The following ADAMTSL1 variants were observed in gnomAD, a reference collection of about 807,000 sequenced individuals.
The protein encoded by ADAMTSL1 is ADAMTS like 1.
A neutral mutation model predicts 201.8 loss-of-function variants in ADAMTSL1; 126 were observed. The observed-to-expected ratio is 0.62, with a 90% confidence interval of 0.54 to 0.72. The LOEUF (loss-of-function observed/expected upper bound fraction) is 0.72, where lower values mean the gene tolerates loss of function less well. Ranked by LOEUF, ADAMTSL1 falls within the 30% of genes least tolerant of loss-of-function variation. ADAMTSL1 has a pLI of 0.00. For synonymous variants in ADAMTSL1, 1,121 were observed against 903.4 expected (o/e 1.24, Z -4.32); for missense variants, 2,679 against 2,277.8 (o/e 1.18, Z -3.59).
At chr9:18,038,605 A>G (rs374953504) in intron 1 of ADAMTSL1, among the ~76,000 whole-genome samples, 1 of 152,216 alleles carries the variant, frequency 6.6e-6, no homozygotes, top group South Asian at 2.1e-4. Flanking sequence ...GAAAAGCGGG[A>G]AAACAGAGAA....
At chr9:18,626,144 C>T (rs1826347022) in intron 5 of ADAMTSL1, among the ~76,000 whole-genome samples, 1 of 152,148 alleles carries the variant, frequency 6.6e-6, no homozygotes, top group African/African-American at 2.4e-5. Flanking sequence ...ATTCATTCAA[C>T]AGCACATATT....
chr9:18,407,883 G>A (rs1219831415), intron 2 of ADAMTSL1, among the ~76,000 whole-genome samples: 2 of 152,218 alleles, frequency 1.3e-5, no homozygotes, highest in Admixed American at 6.5e-5. Flanking sequence ...AGCTTTGCTA[G>A]GAGAAGAAGG....
intron 15 of ADAMTSL1, among the ~76,000 whole-genome samples, chr9:18,735,748 C>CTTTT (rs71333066): frequency 9.4e-6 from 1 of 106,684 alleles, no homozygotes; most frequent in Non-Finnish European, 1.9e-5. Context: ...ATTCTTTTTT[C>CTTTT]TTTTTTTTTT....
At chr9:18,778,317 C>A (rs1304150403) in intron 19 of ADAMTSL1, among the ~76,000 whole-genome samples, 2 of 152,184 alleles carry the variant, frequency 1.3e-5, no homozygotes, top group Non-Finnish European at 2.9e-5. Context: ...TGTGTGTGGT[C>A]CCCCAGGGCT....
At chr9:18,118,299 G>A (rs550337219) in intron 1 of ADAMTSL1, among the ~76,000 whole-genome samples, 13 of 152,188 alleles carry the variant, frequency 8.5e-5, no homozygotes, top group Non-Finnish European at 1.9e-4. Flanking sequence ...AAGAAGATGT[G>A]TATGGAAAAG....
intron 16 of ADAMTSL1, among the ~76,000 whole-genome samples, chr9:18,762,072 A>G (rs1588061412): frequency 2.6e-5 from 4 of 152,350 alleles, no homozygotes; most frequent in African/African-American, 7.2e-5. Flanking sequence ...TCTTTTGCTC[A>G]TCCAATCATC....
At chr9:18,123,043 G>A (rs1316447183) in intron 1 of ADAMTSL1, among the ~76,000 whole-genome samples, 1 of 152,092 alleles carries the variant, frequency 6.6e-6, no homozygotes, top group Non-Finnish European at 1.5e-5. Context: ...CCAGTCTCAA[G>A]TTTAAAGATA....
intron 15 of ADAMTSL1, among the ~76,000 whole-genome samples, chr9:18,726,903 C>T (rs1817928854): frequency 6.6e-6 from 1 of 152,192 alleles, no homozygotes; most frequent in Non-Finnish European, 1.5e-5. Context: ...CCCCCTGCCC[C>T]AGCCCCAGTC....
intron 23 of ADAMTSL1, among the ~76,000 whole-genome samples, chr9:18,843,529 C>T (rs903218050): frequency 2.0e-5 from 3 of 150,550 alleles, no homozygotes; most frequent in Non-Finnish European, 4.4e-5. Flanking sequence ...TTGCTCTTCT[C>T]GAGGAGTATC....
intron 1 of ADAMTSL1, among the ~76,000 whole-genome samples, chr9:18,066,411 T>C (rs1822705300): frequency 6.6e-6 from 1 of 152,226 alleles, no homozygotes; most frequent in Admixed American, 6.5e-5. Context: ...TCTAATTAAC[T>C]TTAAGTTGAC....
intron 23 of ADAMTSL1, among the ~76,000 whole-genome samples, chr9:18,854,774 A>G (rs1315798122): frequency 2.0e-5 from 3 of 152,208 alleles, no homozygotes; most frequent in African/African-American, 7.2e-5. Flanking sequence ...GAAAATGTCA[A>G]TCAACTCTCA....
intron 1 of ADAMTSL1, among the ~76,000 whole-genome samples, chr9:18,017,194 T>A: frequency 6.6e-6 from 1 of 151,930 alleles, no homozygotes; most frequent in Admixed American, 6.6e-5. Context: ...ATCTTGTTCA[T>A]GTTGTTCTTT....
At chr9:18,907,110 C>G in intron 28 of ADAMTSL1, 198 bp downstream of exon 28, 2 of 606,452 alleles carry the variant, frequency 3.3e-6, no homozygotes, top group Admixed American at 6.5e-5. Context: ...CAGGGTATGC[C>G]CCAAGGGCTT....
At chr9:18,538,802 T>A (rs1218130881) in intron 3 of ADAMTSL1, among the ~76,000 whole-genome samples, 1 of 152,206 alleles carries the variant, frequency 6.6e-6, no homozygotes, top group Non-Finnish European at 1.5e-5. Flanking sequence ...TCATAAGGCC[T>A]TTGTATATCA....
chr9:18,012,067 C>G (rs142004648), intron 1 of ADAMTSL1, among the ~76,000 whole-genome samples: 172 of 152,098 alleles, frequency 1.1e-3, no homozygotes, highest in African/African-American at 4.0e-3. Flanking sequence ...GAGAAAGAAA[C>G]AGGTTTGCCC....
Position 18,796,565 on chromosome 9 carries a change from C to G in ADAMTSL1, c.3805+1041C>G, listed in dbSNP as rs571270655. ...TGTACTCCAGTCACACATGCTACCC[C>G]CTTGCATATCTGTTTAGCAACAGTA... On this transcript the variant is annotated intron_variant, in intron 20 of 28. Transcript: ENST00000380548. 12 of 152,318 alleles carry G rather than the reference C, an allele frequency of 7.9e-5. No individual in the cohort carries two copies. The South Asian group carries it at 2.3e-3, about 29-fold the overall frequency. 9.4% of individuals were successfully genotyped at this position (152,318 alleles called of 1,614,324 possible). A position where few individuals can be genotyped will look rare whatever the true frequency, so the allele number is the denominator to read the frequency against.
chr9:18,361,673 C>T (rs1012077850), intron 2 of ADAMTSL1, among the ~76,000 whole-genome samples: 6 of 152,154 alleles, frequency 3.9e-5, no homozygotes, highest in Non-Finnish European at 8.8e-5. Flanking sequence ...TGAGAAGCAA[C>T]ACCACACTAA....
Position 18,777,396 on chromosome 9 carries a change from A to G in ADAMTSL1, c.3167A>G (p.Glu1056Gly). The change falls in exon 19 of 29, where the codon GAG (glutamate) becomes GGG (glycine). Residue 1056 changes from glutamate (E) to glycine (G), a missense_variant. Glu to Gly is a moderately conservative substitution (Grantham distance 98, BLOSUM62 -2). Transcript: ENST00000380548. The stretch of plus-strand genomic sequence containing the variant: ...GCGGAAAGGAACACGACCTCGGAGG[A>G]GGACCCGGGTGCAGAGCAAGTGCTC... ...DSAERNTTSE[E>G]DPGAEQVLLH... The G allele has an allele frequency of 1.2e-6, 2 of 1,603,196 alleles. No individual in the cohort carries two copies. Among genetic ancestry groups the G allele is most frequent in the Non-Finnish European group, 1.7e-6 (2 of 1,175,474 alleles).
intron 19 of ADAMTSL1, among the ~76,000 whole-genome samples, chr9:18,779,547 A>T (rs1270059193): frequency 1.3e-5 from 2 of 152,218 alleles, no homozygotes; most frequent in African/African-American, 4.8e-5. Flanking sequence ...GAAACACTGG[A>T]AATGGTCTGA....
Sources: allele counts gnomAD v4.1 joint callset (sites outside exome capture counted in the v4.1 genomes callset), GRCh38; gene constraint gnomAD v4.1.1; transcripts MANE v1.5; gene names NCBI Gene and HGNC (gene_info 2026-07-23, HGNC 2026-07-21).